Variants in RPTOR observed in about 807,000 individuals in gnomAD.
The protein encoded by RPTOR is regulatory associated protein of MTOR complex 1, also known as regulatory-associated protein of mTOR.
RPTOR carries 21 observed loss-of-function variants against 169.9 expected under a neutral mutation model. That is an observed-to-expected ratio of 0.12 (90% CI 0.09 to 0.18). The LOEUF is 0.18. Among genes scored for constraint, RPTOR ranks in the 10% least tolerant of loss-of-function variants. RPTOR has a pLI of 1.00. For synonymous variants in RPTOR, 732 were observed against 753.2 expected, an observed-to-expected ratio of 0.97 and a Z score of 0.46; for missense variants, 1,133 against 1,855.9, an observed-to-expected ratio of 0.61 and a Z score of 7.16.
chr17:80,871,972 T>G (rs1167720374), intron 13 of RPTOR, among the ~76,000 whole-genome samples: 3 of 152,022 alleles, frequency 2.0e-5, no homozygotes, highest in Non-Finnish European at 4.4e-5. Flanking sequence ...CACAGTTGGG[T>G]GAGTCCCAGG....
chr17:80,648,850 CG>C (rs1460543647), intron 3 of RPTOR, among the ~76,000 whole-genome samples: 1 of 152,112 alleles, frequency 6.6e-6, no homozygotes, highest in Non-Finnish European at 1.5e-5. Context: ...ATCATAGGGG[CG>C]GGTCTTTCCT....
Position 80,787,058 on chromosome 17 carries a change from C to T in RPTOR, c.831-4392C>T, listed in dbSNP as rs139613575. Reference sequence around the variant, plus strand: ...CACCACGCAGGGCGCCCTTGATGCACACGCACCTGCCGCCCCCGCCCTGTG... The same window carrying T: ...CACCACGCAGGGCGCCCTTGATGCATACGCACCTGCCGCCCCCGCCCTGTG... On this transcript the variant is annotated intron_variant, in intron 6 of 33. Transcript: ENST00000306801. Among the ~76,000 whole-genome samples the T allele has an allele frequency of 8.0e-3, 1,226 of 152,352 alleles. 21 individuals carry two copies. The highest frequency in any genetic ancestry group is 0.028 in the African/African-American group (1,182 of 41,586).
At chr17:80,718,222 G>A (rs1345216631) in intron 4 of RPTOR, among the ~76,000 whole-genome samples, 1 of 152,160 alleles carries the variant, frequency 6.6e-6, no homozygotes, top group Non-Finnish European at 1.5e-5. Context: ...GGAGTTTTAT[G>A]TGGTTTTGCA....
At chr17:80,916,223 C>T (rs1424114206) in intron 21 of RPTOR, among the ~76,000 whole-genome samples, 1 of 152,190 alleles carries the variant, frequency 6.6e-6, no homozygotes, top group Non-Finnish European at 1.5e-5. Context: ...TTCAGGGAAC[C>T]CAGACCTAGG....
rs2069265327 is a variant in RPTOR, at chr17:80,957,375, C to T, written c.3371-249C>T. Among the ~76,000 whole-genome samples, 1 of 152,050 alleles carries T rather than the reference C, an allele frequency of 6.6e-6. No homozygotes were observed. The highest frequency in any genetic ancestry group is 1.5e-5 in the Non-Finnish European group (1 of 67,986). On this transcript the variant is annotated intron_variant, in intron 28 of 33. Transcript: ENST00000306801. The surrounding 1 kb of genome is among the most constrained non-coding windows in gnomAD (Gnocchi z 4.6). ...TCACCCCAGCCTGGACTTGGGAGTT[C>T]CAGCTCAGAATTGTCATCCCGGCCC...
Position 80,823,216 on chromosome 17 carries a change from G to T in RPTOR, c.1129G>T (p.Ala377Ser). 6.2e-7 allele frequency: 1 copy of T among 1,613,852 alleles called. No homozygotes were observed. Among genetic ancestry groups the T allele is most frequent in the Non-Finnish European group, 8.5e-7 (1 of 1,179,840 alleles). The change falls in exon 9 of 34, where the codon GCC (alanine) becomes TCC (serine). Residue 377 changes from alanine to serine, a missense_variant. This residue lies in a region of RPTOR where 289 missense variants were observed against 585.8 expected (regional missense o/e 0.49). Transcript: ENST00000306801. The surrounding 1 kb of genome is among the most constrained non-coding windows in gnomAD (Gnocchi z 4.5). ...SPRLPPTYMH[A>S]MWQAWDLAVD... ...GCGTCTGCCGCCCACGTACATGCAC[G>T]CCATGTGGTGAGTGTTTCAGGATCC... is the stretch of plus-strand genomic sequence containing the variant.
At chr17:80,575,173 A>G (rs1265691130) in intron 1 of RPTOR, among the ~76,000 whole-genome samples, 1 of 150,992 alleles carries the variant, frequency 6.6e-6, no homozygotes, top group Non-Finnish European at 1.5e-5. Flanking sequence ...TTTTAAAAAT[A>G]TATTTATGTA....
At chr17:80,916,552 G>A (rs1466580475) in intron 21 of RPTOR, among the ~76,000 whole-genome samples, 1 of 152,248 alleles carries the variant, frequency 6.6e-6, no homozygotes, top group Non-Finnish European at 1.5e-5. Flanking sequence ...CAGCCTGCCA[G>A]GCTGAATGGG....
At position 80,708,340 on chromosome 17, in the gene RPTOR, A is replaced by T. The variant is rs1478985061; in HGVS notation, c.507+341A>T. ...TTGCACAATTTCTCAATTTCGTTAG[A>T]ATCTTTCTTTAAGCATCGGTGATTT... On this transcript the variant is annotated intron_variant, in intron 4 of 33. Transcript: ENST00000306801. The surrounding 1 kb of genome is among the most constrained non-coding windows in gnomAD (Gnocchi z 4.2). Among the ~76,000 whole-genome samples the T allele has an allele frequency of 6.6e-6, 1 of 152,214 alleles. No individual in the cohort carries two copies. Among genetic ancestry groups the T allele is most frequent in the Admixed American group, 6.5e-5 (1 of 15,286 alleles).
At chr17:80,806,089 A>T (rs1433613893) in intron 7 of RPTOR, among the ~76,000 whole-genome samples, 1 of 152,210 alleles carries the variant, frequency 6.6e-6, no homozygotes. Flanking sequence ...TTTAAAAATC[A>T]TTAAAAAACA....
intron 1 of RPTOR, among the ~76,000 whole-genome samples, chr17:80,600,001 G>A (rs2065173658): frequency 6.6e-6 from 1 of 152,172 alleles, no homozygotes; most frequent in South Asian, 2.1e-4. Flanking sequence ...CTCTTCTCCA[G>A]GCTCCTCAAG....
chr17:80,715,158 T>G (rs1444461183), intron 4 of RPTOR, among the ~76,000 whole-genome samples: 1 of 151,970 alleles, frequency 6.6e-6, no homozygotes, highest in Non-Finnish European at 1.5e-5. Context: ...CTAAAATGTG[T>G]TTTTTTTGAA....
intron 10 of RPTOR, among the ~76,000 whole-genome samples, chr17:80,839,505 G>A (rs1174242100): frequency 6.6e-6 from 1 of 152,228 alleles, no homozygotes; most frequent in Admixed American, 6.5e-5. Flanking sequence ...CCCGTCATGT[G>A]CTTGGCATCA....
At chr17:80,769,655 C>T (rs74001015) in intron 6 of RPTOR, among the ~76,000 whole-genome samples, 3,518 of 152,200 alleles carry the variant, frequency 0.023, 150 homozygotes, top group African/African-American at 0.08. Flanking sequence ...GAGGCAGAGG[C>T]GGCATCACTG....
chr17:80,635,130 A>G (rs1050003305), intron 2 of RPTOR, among the ~76,000 whole-genome samples: 2 of 151,866 alleles, frequency 1.3e-5, no homozygotes, highest in Non-Finnish European at 2.9e-5. Context: ...TCCTGTGTGA[A>G]CCCTCTTCTC....
chr17:80,884,176 C>G (rs955287136), intron 16 of RPTOR, among the ~76,000 whole-genome samples: 1 of 152,210 alleles, frequency 6.6e-6, no homozygotes, highest in African/African-American at 2.4e-5. Flanking sequence ...AGTGCGCTCC[C>G]GGGGACAGTG....
At chr17:80,829,034 G>A (rs1349936938) in intron 9 of RPTOR, among the ~76,000 whole-genome samples, 3 of 152,100 alleles carry the variant, frequency 2.0e-5, no homozygotes, top group Admixed American at 1.3e-4. Context: ...CTTGTGCCAG[G>A]GTGGTACAAT....
In RPTOR at chr17:80,798,156, C is replaced by G. The variant is rs115391204; in HGVS notation, c.890+6647C>G. ...GGCTGTGCCTGTCACCAATGTGCCC[C>G]GGGCAAGGGAGTCACCTCTCTGACA... On this transcript the variant is annotated intron_variant, in intron 7 of 33. Coordinates refer to ENST00000306801, the MANE Select transcript of RPTOR (RefSeq NM_020761.3). Among the ~76,000 whole-genome samples, 596 of 152,298 alleles carry G rather than the reference C, an allele frequency of 3.9e-3. 3 individuals carry two copies. Among genetic ancestry groups the G allele is most frequent in the African/African-American group, 0.014 (564 of 41,554 alleles).
chr17:80,870,621 A>G (rs915035841), intron 13 of RPTOR, among the ~76,000 whole-genome samples: 2 of 152,218 alleles, frequency 1.3e-5, no homozygotes, highest in African/African-American at 2.4e-5. Context: ...TGCCATCTAG[A>G]GCGTGTGACC....
Sources: gnomAD v4.1 joint callset for allele counts (sites outside exome capture counted in the v4.1 genomes callset) on GRCh38, gnomAD v4.1.1 for gene constraint, gnomAD v4.1.1 regional missense constraint, Gnocchi (gnomAD v3.1) non-coding constraint, MANE v1.5 for transcripts, NCBI Gene and HGNC (gene_info 2026-07-23, HGNC 2026-07-21) for gene names.